The following BABAM2 variants were observed in gnomAD, a reference collection of about 807,000 sequenced individuals.
BABAM2 encodes BRISC and BRCA1 A complex member 2.
A neutral mutation model predicts 54.7 loss-of-function variants in BABAM2; 31 were observed. The observed-to-expected ratio is 0.57, with a 90% CI of 0.43 to 0.77. BABAM2 has a LOEUF of 0.77. Among genes scored for constraint, BABAM2 ranks in the 30% least tolerant of loss-of-function variants. The pLI is 0.00. For missense variants in BABAM2, 364 were observed against 455.8 expected (o/e 0.80, Z 1.83); for synonymous variants, 167 against 162.9 (o/e 1.03, Z -0.19).
chr2:27,915,670 T>C (rs571363251), intron 2 of BABAM2, among the ~76,000 whole-genome samples: 175 of 6,174 alleles, frequency 0.028, no homozygotes, highest in African/African-American at 0.095. Context: ...TTTGAAGATA[T>C]AAAAAACGTT....
At chr2:28,270,611 C>G (rs1685342259) in intron 10 of BABAM2, among the ~76,000 whole-genome samples, 2 of 152,206 alleles carry the variant, frequency 1.3e-5, no homozygotes, top group South Asian at 4.1e-4. Context: ...TTCGTCTTTC[C>G]TGAACCAAGA....
intron 5 of BABAM2, among the ~76,000 whole-genome samples, chr2:28,033,611 G>T (rs1427868591): frequency 2.0e-5 from 3 of 152,050 alleles, no homozygotes; most frequent in Non-Finnish European, 2.9e-5. Context: ...CCCATGAAAG[G>T]CCCCACCTCT....
chr2:28,221,441 T>C (rs1254499437), intron 7 of BABAM2, among the ~76,000 whole-genome samples: 1 of 152,160 alleles, frequency 6.6e-6, no homozygotes, highest in Non-Finnish European at 1.5e-5. Flanking sequence ...GGGGTATTTA[T>C]TTATTTAGTT....
intron 5 of BABAM2, among the ~76,000 whole-genome samples, chr2:28,040,560 A>G (rs1450534051): frequency 1.3e-5 from 2 of 151,962 alleles, no homozygotes; most frequent in Non-Finnish European, 2.9e-5. Context: ...TCGGCCTCCC[A>G]AAGTGCTGGG....
In BABAM2 at chr2:28,228,448, T is replaced by G. The variant is rs959776902; in HGVS notation, c.681-8754T>G. Among the ~76,000 whole-genome samples, 170 of 152,196 alleles carry G rather than the reference T, an allele frequency of 1.1e-3. 1 individual carries two copies. The highest frequency in any genetic ancestry group is 3.9e-3 in the African/African-American group (163 of 41,442). ...ATAACTATTGTATGCACTGTTTTTTTTTCCAGGGAAAATATTTTAAAGGTA... is the reference window on the plus strand; with the variant it reads ...ATAACTATTGTATGCACTGTTTTTTGTTCCAGGGAAAATATTTTAAAGGTA... On this transcript the variant is annotated intron_variant, in intron 7 of 11. Transcript: ENST00000379624.
At chr2:28,027,394 AACC>A (rs1675951198) in intron 5 of BABAM2, among the ~76,000 whole-genome samples, 1 of 152,222 alleles carries the variant, frequency 6.6e-6, no homozygotes, top group African/African-American at 2.4e-5. Flanking sequence ...TGATTTGAGC[AACC>A]ACCACCATTA....
chr2:28,193,363 C>A (rs1677146539), intron 7 of BABAM2, among the ~76,000 whole-genome samples: 1 of 152,126 alleles, frequency 6.6e-6, no homozygotes, highest in South Asian at 2.1e-4. Flanking sequence ...TAAGTGGGCC[C>A]AACTCTGCCT....
intron 6 of BABAM2, among the ~76,000 whole-genome samples, chr2:28,095,343 G>A (rs752404440): frequency 2.0e-5 from 3 of 152,132 alleles, no homozygotes; most frequent in Non-Finnish European, 4.4e-5. Flanking sequence ...CATAGGTTTT[G>A]TAACTGTTGG....
At chr2:27,898,218 G>A (rs1456756204) in intron 2 of BABAM2, among the ~76,000 whole-genome samples, 1 of 152,098 alleles carries the variant, frequency 6.6e-6, no homozygotes, top group African/African-American at 2.4e-5. Flanking sequence ...GTTTAAAACT[G>A]TTGGTCTTTT....
chr2:27,928,058 C>T (rs940831874), intron 2 of BABAM2, among the ~76,000 whole-genome samples: 3 of 151,942 alleles, frequency 2.0e-5, no homozygotes, highest in African/African-American at 7.3e-5. Flanking sequence ...TGTGCCCAGG[C>T]TGGAGTGCAG....
chr2:28,130,809 GGCTCACT>G (rs1183694449), intron 7 of BABAM2, among the ~76,000 whole-genome samples: 1 of 151,770 alleles, frequency 6.6e-6, no homozygotes, highest in Non-Finnish European at 1.5e-5. Flanking sequence ...GTGCAATCTC[GGCTCACT>G]GCAACCTCCA....
intron 4 of BABAM2, among the ~76,000 whole-genome samples, chr2:28,011,821 T>G (rs1255793891): frequency 3.0e-5 from 2 of 67,540 alleles, no homozygotes; most frequent in Non-Finnish European, 8.9e-5. Context: ...TGGTGCCGAC[T>G]GAGACAGGAA....
intron 7 of BABAM2, among the ~76,000 whole-genome samples, chr2:28,161,873 A>G (rs1673133813): frequency 6.6e-6 from 1 of 152,036 alleles, no homozygotes; most frequent in South Asian, 2.1e-4. Context: ...AGAGATCTTT[A>G]ATTATTTTAT....
chr2:28,224,129 G>A (rs1680658953), intron 7 of BABAM2, among the ~76,000 whole-genome samples: 1 of 152,142 alleles, frequency 6.6e-6, no homozygotes, highest in South Asian at 2.1e-4. Flanking sequence ...CCTTCAAACA[G>A]TTTAATTTAC....
chr2:28,009,219 C>T (rs1325620117), intron 4 of BABAM2, among the ~76,000 whole-genome samples: 1 of 151,992 alleles, frequency 6.6e-6, no homozygotes, highest in African/African-American at 2.4e-5. Context: ...TCACCCCAGG[C>T]ATACTTAATC....
chr2:27,899,553 A>G (rs1484982898), intron 2 of BABAM2, among the ~76,000 whole-genome samples: 3 of 151,342 alleles, frequency 2.0e-5, no homozygotes, highest in African/African-American at 7.3e-5. Flanking sequence ...TGGCTCCTCA[A>G]CCTCTGCCTT....
intron 5 of BABAM2, among the ~76,000 whole-genome samples, chr2:28,036,577 T>A (rs1676676535): frequency 6.6e-6 from 1 of 152,018 alleles, no homozygotes; most frequent in South Asian, 2.1e-4. Flanking sequence ...TCTAATAACA[T>A]CTGGTCAAAA....
At chr2:28,118,858 G>A (rs1668823520) in intron 6 of BABAM2, among the ~76,000 whole-genome samples, 1 of 152,072 alleles carries the variant, frequency 6.6e-6, no homozygotes, top group Non-Finnish European at 1.5e-5. Context: ...ATGGTTTTGG[G>A]TTTTACATTT....
chr2:28,198,219 A>G (rs1558428100), intron 7 of BABAM2, among the ~76,000 whole-genome samples: 1 of 151,298 alleles, frequency 6.6e-6, no homozygotes, highest in South Asian at 2.1e-4. Flanking sequence ...GATGGAGTGC[A>G]GTGGTACAAT....
Sources: gnomAD v4.1 joint callset for allele counts (sites outside exome capture counted in the v4.1 genomes callset) on GRCh38, gnomAD v4.1.1 for gene constraint, MANE v1.5 for transcripts, NCBI Gene and HGNC (gene_info 2026-07-23, HGNC 2026-07-21) for gene names.